Variants in ATG5 observed in about 807,000 individuals in gnomAD.
ATG5 encodes autophagy protein 5.
A neutral mutation model predicts 36.5 loss-of-function variants in ATG5; 14 were observed. The ratio of observed to expected loss-of-function variants is 0.38; its 90% CI spans 0.25 to 0.60. The LOEUF is 0.60. ATG5 is among the 20% of genes least tolerant of loss of function. The pLI, the probability that ATG5 is intolerant of heterozygous loss-of-function variation, is 0.60. For missense variants in ATG5, 195 were observed against 326.7 expected, an observed-to-expected ratio of 0.60 and a Z score of 3.11; for synonymous variants, 95 against 101.5, an observed-to-expected ratio of 0.94 and a Z score of 0.38.
At chr6:106,206,256 G>C (rs756982913) in intron 6 of ATG5, among the ~76,000 whole-genome samples, 40 of 152,002 alleles carry the variant, frequency 2.6e-4, no homozygotes, top group Non-Finnish European at 5.4e-4. Flanking sequence ...TGCCATGTTG[G>C]GGGGGTGGGG....
chr6:106,205,922 GA>G (rs1776611785), intron 6 of ATG5, among the ~76,000 whole-genome samples: 1 of 152,050 alleles, frequency 6.6e-6, no homozygotes, highest in East Asian at 1.9e-4. Flanking sequence ...AAAATCTGAT[GA>G]ACATTTTCTG....
At chr6:106,321,653 T>C (rs1254809081) in intron 1 of ATG5, among the ~76,000 whole-genome samples, 7 of 152,154 alleles carry the variant, frequency 4.6e-5, no homozygotes, top group Non-Finnish European at 5.9e-5. Flanking sequence ...CCACCGCGCC[T>C]GGCCAACTCT....
chr6:106,251,719 GAA>G (rs1778596432), intron 5 of ATG5, among the ~76,000 whole-genome samples: 1 of 145,350 alleles, frequency 6.9e-6, no homozygotes, highest in Non-Finnish European at 1.5e-5. Context: ...AAGAAAGAAA[GAA>G]AGAGAAAGAG....
At chr6:106,290,507 G>A (rs1406934800) in intron 4 of ATG5, among the ~76,000 whole-genome samples, 1 of 151,860 alleles carries the variant, frequency 6.6e-6, no homozygotes, top group East Asian at 1.9e-4. Flanking sequence ...TTTTTGTAGA[G>A]ATGGGGTCTA....
chr6:106,229,504 A>G (rs1777590438), intron 6 of ATG5, among the ~76,000 whole-genome samples: 1 of 152,160 alleles, frequency 6.6e-6, no homozygotes, highest in Non-Finnish European at 1.5e-5. Context: ...AAAGAGGAGA[A>G]AGAGGCAGAG....
chr6:106,316,283 G>C lies in ATG5; in HGVS notation c.-58-17C>G. On this transcript the variant is annotated splice_polypyrimidine_tract_variant and intron_variant, in intron 1 of 7. Transcript: ENST00000369076. Reference sequence around the variant, plus strand: ...AAAGCCAAACTGAAAATAAAATGAAGAGCATTAGTCAGATCCTTGCAACGA... The same window carrying C: ...AAAGCCAAACTGAAAATAAAATGAACAGCATTAGTCAGATCCTTGCAACGA... 8.7e-7 allele frequency: 1 copy of C among 1,143,342 alleles called. No homozygotes were observed. Among genetic ancestry groups the C allele is most frequent in the Non-Finnish European group, 1.3e-6 (1 of 769,338 alleles). 70.8% of individuals were successfully genotyped at this position (1,143,342 alleles called of 1,614,324 possible). A position where few individuals can be genotyped will look rare whatever the true frequency, so the allele number is the denominator to read the frequency against.
intron 6 of ATG5, among the ~76,000 whole-genome samples, chr6:106,233,839 A>G (rs1777784437): frequency 6.6e-6 from 1 of 151,924 alleles, no homozygotes; most frequent in East Asian, 1.9e-4. Context: ...CACCCCCTCC[A>G]TGCTGCTGTA....
At chr6:106,288,393 A>G (rs1166105358) in intron 4 of ATG5, among the ~76,000 whole-genome samples, 1 of 152,228 alleles carries the variant, frequency 6.6e-6, no homozygotes, top group Non-Finnish European at 1.5e-5. Context: ...AAAACCAATG[A>G]GAAAAGCTTG....
intron 2 of ATG5, among the ~76,000 whole-genome samples, chr6:106,315,428 T>C (rs1770805625): frequency 2.0e-5 from 3 of 152,290 alleles, no homozygotes; most frequent in African/African-American, 7.2e-5. Context: ...AAACTGGGAT[T>C]ATACATGCAC....
chr6:106,239,316 A>G (rs756775759), intron 6 of ATG5, among the ~76,000 whole-genome samples: 1 of 152,192 alleles, frequency 6.6e-6, no homozygotes, highest in South Asian at 2.1e-4. Context: ...AAACCTTAAA[A>G]TCTATGCAGA....
chr6:106,249,518 G>A (rs919264443), intron 5 of ATG5, among the ~76,000 whole-genome samples: 5 of 151,984 alleles, frequency 3.3e-5, no homozygotes, highest in African/African-American at 4.8e-5. Context: ...AGTAGTTTCC[G>A]CTTTTTATCT....
intron 6 of ATG5, among the ~76,000 whole-genome samples, chr6:106,218,880 A>G (rs1420418070): frequency 1.3e-5 from 2 of 152,198 alleles, no homozygotes; most frequent in Non-Finnish European, 2.9e-5. Flanking sequence ...TTTTAAAAGA[A>G]AACTTCAAAA....
intron 3 of ATG5, among the ~76,000 whole-genome samples, chr6:106,300,256 C>A (rs1562263892): frequency 6.6e-6 from 1 of 152,054 alleles, no homozygotes; most frequent in African/African-American, 2.4e-5. Context: ...TTTTCACACA[C>A]AAAAAATTTT....
intron 5 of ATG5, among the ~76,000 whole-genome samples, chr6:106,272,173 A>T: frequency 6.6e-6 from 1 of 152,192 alleles, no homozygotes; most frequent in East Asian, 1.9e-4. Context: ...TGATATGACC[A>T]CTGGTATAGA....
intron 6 of ATG5, among the ~76,000 whole-genome samples, chr6:106,208,787 T>C (rs1157409346): frequency 1.3e-5 from 2 of 152,182 alleles, no homozygotes; most frequent in Admixed American, 6.5e-5. Context: ...AGAAAGGTCT[T>C]GTGTCTATAA....
intron 5 of ATG5, among the ~76,000 whole-genome samples, chr6:106,249,327 T>A (rs541912240): frequency 6.6e-6 from 1 of 152,306 alleles, no homozygotes; most frequent in Admixed American, 6.5e-5. Context: ...TCCAGACATT[T>A]CATATAAATG....
At chr6:106,297,119 A>G (rs1163135239) in intron 3 of ATG5, among the ~76,000 whole-genome samples, 1 of 152,222 alleles carries the variant, frequency 6.6e-6, no homozygotes, top group African/African-American at 2.4e-5. Context: ...ATATATTTCT[A>G]AAGACAAAAA....
At chr6:106,244,518 T>C (rs1404569758) in intron 6 of ATG5, among the ~76,000 whole-genome samples, 2 of 152,236 alleles carry the variant, frequency 1.3e-5, no homozygotes, top group African/African-American at 4.8e-5. Context: ...AGTTCACCTA[T>C]CTGTCAAATC....
chr6:106,254,243 CA>C (rs1778711723), intron 5 of ATG5, among the ~76,000 whole-genome samples: 1 of 152,148 alleles, frequency 6.6e-6, no homozygotes, highest in African/African-American at 2.4e-5. Flanking sequence ...AAGACAGTCC[CA>C]CTTTCCAATC....
Sources: allele counts gnomAD v4.1 joint callset (sites outside exome capture counted in the v4.1 genomes callset), GRCh38; gene constraint gnomAD v4.1.1; transcripts MANE v1.5; gene names NCBI Gene and HGNC (gene_info 2026-07-23, HGNC 2026-07-21).